GABRB2: variants seen among roughly 807,000 people sequenced by gnomAD.
GABRB2 encodes gamma-aminobutyric acid type A receptor subunit beta2, also known as gamma-aminobutyric acid receptor subunit beta-2.
In GABRB2, 16 loss-of-function variants were observed where a neutral mutation model predicts 54.7. That is an observed-to-expected ratio of 0.29 (90% CI 0.20 to 0.44). The LOEUF is 0.44. Among genes scored for constraint, GABRB2 ranks in the 20% least tolerant of loss-of-function variants. The probability of loss-of-function intolerance (pLI) is 1.00; values close to 1 mark genes in which losing one functional copy is unlikely to be tolerated. For missense variants in GABRB2, 355 were observed against 644.0 expected (o/e 0.55, Z 4.86); for synonymous variants, 244 against 233.8 (o/e 1.04, Z -0.40).
chr5:161,520,806 C>G (rs1639266034), intron 3 of GABRB2, among the ~76,000 whole-genome samples: 2 of 151,950 alleles, frequency 1.3e-5, no homozygotes, highest in Non-Finnish European at 2.9e-5. Context: ...GGACTATGGA[C>G]AAAGGATATT....
At chr5:161,305,137 C>T (rs1438218252) in intron 9 of GABRB2, among the ~76,000 whole-genome samples, 1 of 151,080 alleles carries the variant, frequency 6.6e-6, no homozygotes, top group Admixed American at 6.6e-5. Flanking sequence ...CTGCCTCAGC[C>T]TCCCGAGTAG....
chr5:161,483,995 A>G (rs1758843525), intron 3 of GABRB2, among the ~76,000 whole-genome samples: 1 of 151,848 alleles, frequency 6.6e-6, no homozygotes, highest in Admixed American at 6.6e-5. Flanking sequence ...ACTAAAGAGG[A>G]TTCTATCTTT....
At chr5:161,331,785 G>A (rs1456784714) in intron 7 of GABRB2, among the ~76,000 whole-genome samples, 1 of 152,118 alleles carries the variant, frequency 6.6e-6, no homozygotes, top group African/African-American at 2.4e-5. Context: ...GCAGGGGCCA[G>A]CTTCAAGCAA....
intron 5 of GABRB2, among the ~76,000 whole-genome samples, chr5:161,364,722 A>G (rs765345257): frequency 2.6e-5 from 4 of 152,144 alleles, no homozygotes; most frequent in East Asian, 3.8e-4. Context: ...GCTGACTGAT[A>G]ATTAGCCACT....
chr5:161,391,935 G>A (rs143058332), intron 5 of GABRB2, among the ~76,000 whole-genome samples: 140 of 152,336 alleles, frequency 9.2e-4, no homozygotes, highest in African/African-American at 3.0e-3. Context: ...TCCTAGCCCT[G>A]TAACCTATGC....
intron 9 of GABRB2, among the ~76,000 whole-genome samples, chr5:161,311,725 C>T (rs1006865443): frequency 2.0e-5 from 3 of 152,220 alleles, no homozygotes; most frequent in Non-Finnish European, 4.4e-5. Context: ...GCTGCTTTGG[C>T]ATCTCTGGGA....
chr5:161,522,087 A>G (rs1419548400), intron 3 of GABRB2, among the ~76,000 whole-genome samples: 1 of 151,826 alleles, frequency 6.6e-6, no homozygotes, highest in Non-Finnish European at 1.5e-5. Flanking sequence ...GTGCAATCCT[A>G]TGCTATTTTC....
intron 9 of GABRB2, among the ~76,000 whole-genome samples, chr5:161,318,637 T>C (rs1758115231): frequency 6.6e-6 from 1 of 151,994 alleles, no homozygotes; most frequent in Admixed American, 6.6e-5. Context: ...AGTACAAAAA[T>C]TCTTCTCTAA....
intron 4 of GABRB2, among the ~76,000 whole-genome samples, chr5:161,439,280 C>T (rs1423860415): frequency 1.3e-5 from 2 of 152,114 alleles, no homozygotes; most frequent in South Asian, 2.1e-4. Flanking sequence ...AACTTTTAGG[C>T]TAAAATTGTG....
At chr5:161,400,802 G>A (rs1756161400) in intron 5 of GABRB2, among the ~76,000 whole-genome samples, 2 of 152,196 alleles carry the variant, frequency 1.3e-5, no homozygotes, top group Admixed American at 1.3e-4. Context: ...TTACCACCTG[G>A]TCAAAGGGGT....
chr5:161,467,309 G>A (rs887761759), intron 3 of GABRB2, among the ~76,000 whole-genome samples: 1 of 152,032 alleles, frequency 6.6e-6, no homozygotes, highest in Non-Finnish European at 1.5e-5. Flanking sequence ...ACCGCTTGTT[G>A]AAAGAACAAC....
chr5:161,362,571 C>G (rs1754846251), intron 5 of GABRB2, among the ~76,000 whole-genome samples: 1 of 152,104 alleles, frequency 6.6e-6, no homozygotes, highest in South Asian at 2.1e-4. Context: ...GCAAAAGAAA[C>G]TTTCATCAGA....
intron 4 of GABRB2, among the ~76,000 whole-genome samples, chr5:161,456,046 C>G (rs2113252309): frequency 6.6e-6 from 1 of 152,284 alleles, no homozygotes; most frequent in Admixed American, 6.5e-5. Flanking sequence ...CCCCACCAAT[C>G]TTTGTTTGTC....
chr5:161,488,716 A>C (rs187129571), intron 3 of GABRB2, among the ~76,000 whole-genome samples: 240 of 151,922 alleles, frequency 1.6e-3, no homozygotes, highest in Non-Finnish European at 2.6e-3. Context: ...CTACACCAAG[A>C]AAGATCCTTT....
intron 5 of GABRB2, among the ~76,000 whole-genome samples, chr5:161,404,224 A>T (rs1756283938): frequency 6.6e-6 from 1 of 152,152 alleles, no homozygotes. Context: ...TTCACACAGC[A>T]AGAATGGAAA....
chr5:161,449,615 G>C lies in GABRB2; in HGVS notation c.458+10009C>G, dbSNP rs554460338. Among the ~76,000 whole-genome samples the C allele has an allele frequency of 2.6e-5, 4 of 152,180 alleles. No homozygotes were observed. In the South Asian group the frequency reaches 6.2e-4, roughly 24 times the overall value. On this transcript the variant is annotated intron_variant, in intron 4 of 9. Coordinates refer to ENST00000393959, the MANE Select transcript of GABRB2 (RefSeq NM_001371727.1). ...TGAGAACAATCTGCATTATTTCAAG[G>C]CTTGAAACAATGGAAGTCTCTTCTG...
intron 5 of GABRB2, among the ~76,000 whole-genome samples, chr5:161,344,522 A>G (rs1754261576): frequency 6.6e-6 from 1 of 151,192 alleles, no homozygotes. Flanking sequence ...TGTTTTTTTA[A>G]AAAAAAAAGT....
chr5:161,348,287 A>C (rs1348561247), intron 5 of GABRB2, among the ~76,000 whole-genome samples: 2 of 152,086 alleles, frequency 1.3e-5, no homozygotes, highest in African/African-American at 4.8e-5. Context: ...CCTATTATCT[A>C]ATGAATATAA....
At chr5:161,396,975 T>C (rs1488042199) in intron 5 of GABRB2, among the ~76,000 whole-genome samples, 1 of 152,166 alleles carries the variant, frequency 6.6e-6, no homozygotes, top group East Asian at 1.9e-4. Flanking sequence ...AGATGATAAA[T>C]GTAAAGAGCT....
Sources: allele counts gnomAD v4.1 joint callset (sites outside exome capture counted in the v4.1 genomes callset), GRCh38; gene constraint gnomAD v4.1.1; transcripts MANE v1.5; gene names NCBI Gene and HGNC (gene_info 2026-07-23, HGNC 2026-07-21).